The following HLA-DPA1 variants were observed in gnomAD, a reference collection of about 807,000 sequenced individuals.
HLA-DPA1 encodes the protein HLA class II histocompatibility antigen, DP alpha 1 chain.
A neutral mutation model predicts 21.5 loss-of-function variants in HLA-DPA1; 20 were observed. The ratio of observed to expected loss-of-function variants is 0.93; its 90% CI spans 0.66 to 1.35. HLA-DPA1 has a LOEUF of 1.35. Ranked by LOEUF, HLA-DPA1 falls within the 40% of genes most tolerant of loss-of-function variation. The probability of loss-of-function intolerance (pLI) is 0.00; values close to 1 mark genes in which losing one functional copy is unlikely to be tolerated. For missense variants in HLA-DPA1, 279 were observed against 323.0 expected, an observed-to-expected ratio of 0.86 and a Z score of 1.05; for synonymous variants, 123 against 129.6, an observed-to-expected ratio of 0.95 and a Z score of 0.35.
rs3130169 is a variant in HLA-DPA1 at position 33,080,325 on chromosome 6, C to T, written c.-100+355G>A. The T allele has an allele frequency of 0.08, 38,295 of 477,644 alleles. 2,041 individuals carry two copies. Among genetic ancestry groups the T allele is most frequent in the Non-Finnish European group, 0.1 (25,330 of 242,294 alleles). The allele number at this position is 477,644 out of a possible 1,614,324, so 29.6% of individuals were successfully genotyped here. ...CGCCCTCCACGTCCCCAGCTCCTCCCGCCCCTGTTTTTTCTCCCAGTGACC... is the reference window on the plus strand; with the variant it reads ...CGCCCTCCACGTCCCCAGCTCCTCCTGCCCCTGTTTTTTCTCCCAGTGACC... On this transcript the variant is annotated intron_variant, in intron 1 of 5. Transcript: ENST00000419277. The surrounding 1 kb of genome is among the most constrained non-coding windows in gnomAD (Gnocchi z 4.3).
intron 5 of HLA-DPA1, chr6:33,066,557 A>G (rs1761963303): frequency 6.6e-6 from 1 of 152,252 alleles, no homozygotes; most frequent in African/African-American, 2.4e-5. Flanking sequence ...ACAAACAAAA[A>G]TACAGTTGAT....
At chr6:33,069,832 T>C in exon 3 of HLA-DPA1, 1 of 1,610,352 alleles carries the variant, frequency 6.2e-7, no homozygotes, top group Non-Finnish European at 8.5e-7. Context: ...AAACATAAAC[T>C]CCCCTGTTGG....
chr6:33,073,057 G>A (rs1298123320), intron 2 of HLA-DPA1, among the ~76,000 whole-genome samples: 1 of 152,176 alleles, frequency 6.6e-6, no homozygotes, highest in Non-Finnish European at 1.5e-5. Flanking sequence ...GGAGGGCCCT[G>A]ATAGTAGGTC....
At chr6:33,068,985 C>A in intron 4 of HLA-DPA1, 34 bp downstream of exon 3, 1 of 1,605,878 alleles carries the variant, frequency 6.2e-7, no homozygotes, top group Non-Finnish European at 8.5e-7. Context: ...ATAGAGGATG[C>A]CAGGAGATTA....
rs1295111994 is a variant in HLA-DPA1, at chr6:33,080,350, C to T, written c.-100+330G>A. On this transcript the variant is annotated intron_variant, in intron 1 of 5. Transcript: ENST00000419277. The surrounding 1 kb of genome is among the most constrained non-coding windows in gnomAD (Gnocchi z 4.3). ...CGCCCCTGTTTTTTCTCCCAGTGAC[C>T]CCACGTGAAACGTCTCCGCCTCCTC... The T allele has an allele frequency of 1.8e-6, 1 of 543,894 alleles. No homozygotes were observed. The highest frequency in any genetic ancestry group is 3.6e-6 in the Non-Finnish European group (1 of 278,022). 33.7% of individuals were successfully genotyped at this position (543,894 alleles called of 1,614,324 possible).
chr6:33,076,556 A>C (rs1326336768), intron 1 of HLA-DPA1, among the ~76,000 whole-genome samples: 2 of 152,164 alleles, frequency 1.3e-5, no homozygotes, highest in East Asian at 3.8e-4. Context: ...ATCACTGAGG[A>C]TTCAGTGCTC....
chr6:33,068,676 C>T (rs1470994630), exon 5 of HLA-DPA1: 9 of 1,612,916 alleles, frequency 5.6e-6, no homozygotes, highest in Admixed American at 3.3e-5. Flanking sequence ...GCCCGGGGGT[C>T]ATGGCCAGAA....
chr6:33,080,602 T>TGA lies in HLA-DPA1; in HGVS notation c.-100+76_-100+77dup, dbSNP rs1762785836. On this transcript the variant is annotated intron_variant, in intron 1 of 5. Transcript: ENST00000419277. The surrounding 1 kb of genome is among the most constrained non-coding windows in gnomAD (Gnocchi z 4.3). ...AAGATTTGGGAAGAATCGTTAATAT[T>TGA]GAGAGAGAGAGGGAGAAAGAGGATT... The TGA allele has an allele frequency of 2.2e-5, 35 of 1,593,806 alleles. No homozygotes were observed. Among genetic ancestry groups the TGA allele is most frequent in the South Asian group, 2.0e-4 (18 of 90,560 alleles).
At chr6:33,068,414 T>C (rs968362326) in intron 5 of HLA-DPA1, 2 of 466,368 alleles carry the variant, frequency 4.3e-6, no homozygotes, top group Admixed American at 7.5e-5. Context: ...AAAATAATAG[T>C]ACCTACCTCA....
exon 2 of HLA-DPA1, chr6:33,073,535 A>C: frequency 6.2e-7 from 1 of 1,612,996 alleles, no homozygotes; most frequent in South Asian, 1.1e-5. Flanking sequence ...TCAAGATCAC[A>C]GCTCTGATAT....
chr6:33,068,674 G>T (rs1180531663), exon 5 of HLA-DPA1: 12 of 1,612,798 alleles, frequency 7.4e-6, no homozygotes, highest in South Asian at 4.4e-5. Context: ...GGGCCCGGGG[G>T]TCATGGCCAG....
In HLA-DPA1 at chr6:33,080,394, A is replaced by T. The variant is rs1583114974; in HGVS notation, c.-100+286T>A. 4 of 644,262 alleles carry T rather than the reference A, an allele frequency of 6.2e-6. No homozygotes were observed. Among genetic ancestry groups the T allele is most frequent in the Non-Finnish European group, 1.2e-5 (4 of 341,628 alleles). 39.9% of individuals were successfully genotyped at this position (644,262 alleles called of 1,614,324 possible). ...CCTCCTCCAGCCACCAGCAGAAGGGACTGCCTTCCCCTCAGTGCTCGCCCC... is the reference window on the plus strand; with the variant it reads ...CCTCCTCCAGCCACCAGCAGAAGGGTCTGCCTTCCCCTCAGTGCTCGCCCC... On this transcript the variant is annotated intron_variant, in intron 1 of 5. Transcript: ENST00000419277. The surrounding 1 kb of genome is among the most constrained non-coding windows in gnomAD (Gnocchi z 4.3).
intron 1 of HLA-DPA1, chr6:33,076,293 C>T (rs567707819): frequency 1.8e-4 from 112 of 620,724 alleles, no homozygotes; most frequent in Non-Finnish European, 2.8e-4. Context: ...GAGGTTCATC[C>T]CCTATAGGAT....
chr6:33,076,725 G>A (rs913849349), intron 1 of HLA-DPA1, among the ~76,000 whole-genome samples: 4 of 152,164 alleles, frequency 2.6e-5, no homozygotes, highest in African/African-American at 9.7e-5. Flanking sequence ...GGGTACTAGA[G>A]TGGGTTGCGA....
intron 5 of HLA-DPA1, chr6:33,065,631 C>T (rs1233090966): frequency 1.3e-5 from 2 of 152,152 alleles, no homozygotes; most frequent in African/African-American, 2.4e-5. Context: ...GGAAGGGCCA[C>T]ATTACTGAGG....
chr6:33,079,617 C>T (rs909902287), intron 1 of HLA-DPA1: 41 of 456,692 alleles, frequency 9.0e-5, no homozygotes, highest in African/African-American at 8.3e-4. Flanking sequence ...ATCTTGATGC[C>T]CAACATTGCT....
intron 1 of HLA-DPA1, among the ~76,000 whole-genome samples, chr6:33,077,607 G>T (rs1239246046): frequency 6.6e-6 from 1 of 152,074 alleles, no homozygotes. Flanking sequence ...TCTGTTGGTG[G>T]GACTGTAAAC....
intron 2 of HLA-DPA1, among the ~76,000 whole-genome samples, chr6:33,071,501 A>G (rs550508647): frequency 2.0e-4 from 30 of 152,366 alleles, no homozygotes; most frequent in Non-Finnish European, 4.0e-4. Flanking sequence ...TCAGCCAGCT[A>G]TGGAACAGAT....
chr6:33,068,148 A>T (rs1062658), intron 5 of HLA-DPA1: 44,017 of 152,274 alleles, frequency 0.29, 8,442 homozygotes, highest in East Asian at 0.69. Flanking sequence ...AGTTACAGGC[A>T]CCCACCACAC....
Sources: gnomAD v4.1 joint callset for allele counts (sites outside exome capture counted in the v4.1 genomes callset) on GRCh38, gnomAD v4.1.1 for gene constraint, Gnocchi (gnomAD v3.1) non-coding constraint, MANE v1.5 for transcripts, NCBI Gene and HGNC (gene_info 2026-07-23, HGNC 2026-07-21) for gene names.